Variants in DNHD1 observed in about 807,000 individuals in gnomAD.
The protein encoded by DNHD1 is dynein heavy chain domain-containing protein 1.
A neutral mutation model predicts 458.1 loss-of-function variants in DNHD1; 383 were observed. The ratio of observed to expected loss-of-function variants is 0.84; its 90% CI spans 0.77 to 0.91. The LOEUF is 0.91. Ranked by LOEUF, DNHD1 falls within the 40% of genes least tolerant of loss-of-function variation. The pLI, the probability that DNHD1 is intolerant of heterozygous loss-of-function variation, is 0.00. For synonymous variants in DNHD1, 2,203 were observed against 2,376.9 expected, an observed-to-expected ratio of 0.93 and a Z score of 2.13; for missense variants, 5,336 against 5,866.1, an observed-to-expected ratio of 0.91 and a Z score of 2.95.
intron 4 of DNHD1, among the ~76,000 whole-genome samples, chr11:6,507,003 C>T (rs1852241791): frequency 6.6e-6 from 1 of 152,140 alleles, no homozygotes; most frequent in African/African-American, 2.4e-5. Context: ...GTTTCAGGTG[C>T]AAGCAAGATG....
chr11:6,567,888 G>A, intron 36 of DNHD1, 28 bp downstream of exon 36: 1 of 1,583,162 alleles, frequency 6.3e-7, no homozygotes, highest in Non-Finnish European at 8.6e-7. Context: ...TGGCCACAGA[G>A]TGACCAGGCT....
chr11:6,567,365 G>A lies in DNHD1; in HGVS notation c.11856G>A (p.Leu3952=). 6.2e-7 allele frequency: 1 copy of A among 1,614,042 alleles called. No homozygotes were observed. The highest frequency in any genetic ancestry group is 1.1e-5 in the South Asian group (1 of 91,088). The change falls in exon 36 of 43, where the codon CTG becomes CTA. Residue 3952 remains leucine (L), a synonymous_variant. Transcript: ENST00000254579. ...LLQATGKASE[L]ERLALWPGLA... is the part of the protein sequence containing the mutation. The stretch of plus-strand genomic sequence containing the variant: ...AAGCAACAGGGAAAGCATCAGAGCT[G>A]GAAAGACTGGCACTCTGGCCTGGAC...
chr11:6,546,859 T>C lies in DNHD1; in HGVS notation c.5920T>C (p.Ser1974Pro). The part of the protein sequence containing the change: ...GLDPSPDILG[S>P]LEQLSQALSR... Reference sequence around the variant, plus strand: ...GGATCCCAGCCCTGACATTTTGGGGTCCTTGGAACAGTTGAGCCAGGCCCT... The same window carrying C: ...GGATCCCAGCCCTGACATTTTGGGGCCCTTGGAACAGTTGAGCCAGGCCCT... Residue 1974 changes from serine (S) to proline (P), a missense_variant, in exon 21 of 43, where the codon TCC (serine) becomes CCC (proline). Physicochemically the swap from Ser to Pro is moderately conservative, Grantham distance 74. Coordinates refer to ENST00000254579, the MANE Select transcript of DNHD1 (RefSeq NM_144666.3). 1.9e-6 allele frequency: 3 copies of C among 1,551,710 alleles called. No homozygotes were observed. The highest frequency in any genetic ancestry group is 2.6e-6 in the Non-Finnish European group (3 of 1,146,988).
rs1428809028 is a variant in DNHD1, at chr11:6,528,512, G to A, written c.1838-10G>A. On this transcript the variant is annotated splice_polypyrimidine_tract_variant and intron_variant, in intron 10 of 42. Coordinates refer to ENST00000254579, the MANE Select transcript of DNHD1 (RefSeq NM_144666.3). ...GTACTCACGGACAATTATGGCCTGT[G>A]CTCCACTAGAAGAAGATGAAGAGGA... is the stretch of plus-strand genomic sequence containing the variant. 1 of 1,547,044 alleles carries A rather than the reference G, an allele frequency of 6.5e-7. No individual in the cohort carries two copies. The highest frequency in any genetic ancestry group is 1.2e-5 in the South Asian group (1 of 83,798).
chr11:6,515,181 A>G (rs977748873), intron 7 of DNHD1, among the ~76,000 whole-genome samples: 3 of 152,178 alleles, frequency 2.0e-5, no homozygotes, highest in African/African-American at 4.8e-5. Flanking sequence ...TGGGAGACAC[A>G]TTCAAATCAT....
At chr11:6,502,699 A>G in intron 3 of DNHD1, 54 bp from the exon 4 acceptor site, 1 of 1,499,402 alleles carries the variant, frequency 6.7e-7, no homozygotes, top group Non-Finnish European at 8.9e-7. Flanking sequence ...GCCTCCCTCT[A>G]AGGTACTTGA....
At chr11:6,532,958 A>C in intron 12 of DNHD1, 69 bp from the exon 13 acceptor site, 1 of 1,455,966 alleles carries the variant, frequency 6.9e-7, no homozygotes, top group South Asian at 1.3e-5. Flanking sequence ...CCCACTCTGG[A>C]CCACAGCACT....
Position 6,544,135 on chromosome 11 carries a change from C to A in DNHD1, c.3643C>A (p.Gln1215Lys). The A allele has an allele frequency of 1.9e-6, 3 of 1,551,618 alleles. No individual in the cohort carries two copies. Among genetic ancestry groups the A allele is most frequent in the Non-Finnish European group, 2.6e-6 (3 of 1,146,938 alleles). ...TFILSDYSNL[Q>K]DSIQESLQVL... is the part of the protein sequence containing the mutation. ...TTCTGTCTTAGATTACAGCAACCTG[C>A]AGGATTCCATCCAGGAAAGTCTTCA... Residue 1215 changes from glutamine (Q) to lysine (K), a missense_variant, in exon 19 of 43, where the codon CAG becomes AAG. This residue lies in a region of DNHD1 where 3,932 missense variants were observed against 4,365.6 expected (regional missense o/e 0.90). Transcript: ENST00000254579.
At chr11:6,544,496 T>A in intron 19 of DNHD1, 78 bp from the exon 20 acceptor site, 1 of 1,243,160 alleles carries the variant, frequency 8.0e-7, no homozygotes, top group Non-Finnish European at 1.1e-6. Context: ...ACCTGAGAGG[T>A]CAGGAGCAGG....
intron 17 of DNHD1, 78 bp downstream of exon 17, chr11:6,539,391 G>GT: frequency 1.8e-6 from 2 of 1,117,892 alleles, no homozygotes; most frequent in South Asian, 2.7e-5. Context: ...GGTGGTGGGT[G>GT]TTTGGCATGT....
chr11:6,500,189 C>T (rs564698821), intron 3 of DNHD1, among the ~76,000 whole-genome samples: 36 of 152,188 alleles, frequency 2.4e-4, no homozygotes, highest in African/African-American at 8.7e-4. Flanking sequence ...AGGTTTCCAA[C>T]TCCTGGTCTC....
At chr11:6,528,489 A>G (rs764265015) in intron 10 of DNHD1, 33 bp from the exon 11 acceptor site, 2 of 1,531,992 alleles carry the variant, frequency 1.3e-6, no homozygotes, top group South Asian at 1.2e-5. Context: ...TCTGGAGGGT[A>G]CTCACGGACA....
In DNHD1 at chr11:6,566,628, C is replaced by A; in HGVS notation, c.11248C>A (p.Leu3750Met). Reference sequence around the variant, plus strand: ...GCTAAAGGGGCTGAATGTGTTGGATCTGGGCCTGAACATGGAAATACTGGA... The same window carrying A: ...GCTAAAGGGGCTGAATGTGTTGGATATGGGCCTGAACATGGAAATACTGGA... ...ELLKGLNVLD[L>M]GLNMEILEEQ... The change falls in exon 35 of 43, where the codon CTG (leucine) becomes ATG (methionine). Residue 3750 changes from leucine (L) to methionine (M), a missense_variant. Leu to Met is a conservative substitution (Grantham distance 15, BLOSUM62 2). Transcript: ENST00000254579. The A allele has an allele frequency of 1.9e-6, 3 of 1,613,838 alleles. No homozygotes were observed. The highest frequency in any genetic ancestry group is 2.2e-5 in the East Asian group (1 of 44,882).
Position 6,509,180 on chromosome 11 carries a change from A to T in DNHD1, c.1143A>T (p.Arg381Ser). 6.2e-7 allele frequency: 1 copy of T among 1,614,228 alleles called. No homozygotes were observed. The highest frequency in any genetic ancestry group is 8.5e-7 in the Non-Finnish European group (1 of 1,180,046). ...TTTCTAGTTGGAAGAAGAATGTGAG[A>T]TTACAGGGGCTGCATCGACTCCAGA... The part of the protein sequence containing the change: ...KSFTCWKKNV[R>S]LQGLHRLQKF... Residue 381 changes from arginine (R) to serine (S), a missense_variant, in exon 6 of 43, where the codon AGA (arginine) becomes AGT (serine). This residue lies in a region of DNHD1 where 3,932 missense variants were observed against 4,365.6 expected (regional missense o/e 0.90). Coordinates refer to ENST00000254579, the MANE Select transcript of DNHD1 (RefSeq NM_144666.3).
chr11:6,523,339 A>C (rs1852640983), intron 10 of DNHD1, among the ~76,000 whole-genome samples: 1 of 152,170 alleles, frequency 6.6e-6, no homozygotes, highest in Non-Finnish European at 1.5e-5. Context: ...AGGACTAGGA[A>C]GAGGAAGTAT....
chr11:6,528,192 A>G (rs1427010603), intron 10 of DNHD1, among the ~76,000 whole-genome samples: 1 of 152,214 alleles, frequency 6.6e-6, no homozygotes, highest in Non-Finnish European at 1.5e-5. Flanking sequence ...ACACAGCCCT[A>G]GATGCTCAAC....
Position 6,498,502 on chromosome 11 carries a change from A to C in DNHD1, c.287A>C (p.Glu96Ala). The change falls in exon 3 of 43, where the codon GAG becomes GCG. Residue 96 changes from glutamate (E) to alanine (A), a missense_variant. This residue lies in a region of DNHD1 where 3,932 missense variants were observed against 4,365.6 expected (regional missense o/e 0.90). Transcript: ENST00000254579. Reference sequence around the variant, plus strand: ...CTGGGTCTACTGCCTCCATATCGTGAGTTGCTAGTTGGCCACCTTGATTTG... The same window carrying C: ...CTGGGTCTACTGCCTCCATATCGTGCGTTGCTAGTTGGCCACCTTGATTTG... ...AVLGLLPPYR[E>A]LLVGHLDLLP... The C allele has an allele frequency of 6.2e-7, 1 of 1,614,158 alleles. No individual in the cohort carries two copies. The highest frequency in any genetic ancestry group is 8.5e-7 in the Non-Finnish European group (1 of 1,180,022).
chr11:6,564,156 A>G, intron 31 of DNHD1, 32 bp downstream of exon 31: 3 of 1,540,776 alleles, frequency 1.9e-6, no homozygotes, highest in Admixed American at 2.0e-5. Context: ...GTCTCCCCCA[A>G]AGTTCCTTTT....
chr11:6,562,363 C>T (rs1853603928), intron 28 of DNHD1, among the ~76,000 whole-genome samples: 1 of 152,118 alleles, frequency 6.6e-6, no homozygotes, highest in South Asian at 2.1e-4. Flanking sequence ...GCCTGTGAGA[C>T]CCCCAAGGGA....
Sources: allele counts gnomAD v4.1 joint callset (sites outside exome capture counted in the v4.1 genomes callset), GRCh38; gene constraint gnomAD v4.1.1; regional missense constraint gnomAD v4.1.1; transcripts MANE v1.5; gene names NCBI Gene and HGNC (gene_info 2026-07-23, HGNC 2026-07-21).